Variants in FBXO11 observed in about 807,000 individuals in gnomAD.
The protein encoded by FBXO11 is F-box protein 11.
A neutral mutation model predicts 117.0 loss-of-function variants in FBXO11; 13 were observed. The observed-to-expected ratio is 0.11, with a 90% CI of 0.07 to 0.18. The LOEUF (loss-of-function observed/expected upper bound fraction) is 0.18. FBXO11 is among the 10% of genes least tolerant of loss of function. The pLI, the probability that FBXO11 is intolerant of heterozygous loss-of-function variation, is 1.00. For missense variants in FBXO11, 767 were observed against 1,164.4 expected (o/e 0.66, Z 4.97); for synonymous variants, 490 against 380.5 (o/e 1.29, Z -3.35).
intron 19 of FBXO11, 188 bp from the exon 20 acceptor site, chr2:47,809,895 A>G: frequency 1.8e-6 from 1 of 542,958 alleles, no homozygotes; most frequent in South Asian, 2.6e-5. Flanking sequence ...GACTATGGTC[A>G]AAACTGCAAT....
At chr2:47,812,701 CTG>C (rs1286029949) in intron 18 of FBXO11, 1 of 157,956 alleles carries the variant, frequency 6.3e-6, no homozygotes, top group African/African-American at 2.4e-5. Context: ...TTTGGCAGCT[CTG>C]TGAATCTCTG....
In FBXO11 at chr2:47,874,030, T is replaced by C. The variant is rs187092142; in HGVS notation, c.232+31459A>G. Reference sequence around the variant, plus strand: ...GCGTTTGAGACCAGCCTGGCCAACATAGTGAAACCCCGTCTCTACTAAAAA... The same window carrying C: ...GCGTTTGAGACCAGCCTGGCCAACACAGTGAAACCCCGTCTCTACTAAAAA... On this transcript the variant is annotated intron_variant, in intron 1 of 22. Coordinates refer to ENST00000403359, the MANE Select transcript of FBXO11 (RefSeq NM_001190274.2). 1.2e-3 allele frequency among the ~76,000 whole-genome samples: 190 copies of C among 152,048 alleles called. 1 individual carries two copies. The highest frequency in any genetic ancestry group is 0.011 in the Admixed American group (167 of 15,252).
In FBXO11 at chr2:47,806,928, T is replaced by A; in HGVS notation, c.*1190A>T. On this transcript the variant is annotated 3_prime_UTR_variant, in exon 23 of 23. Transcript: ENST00000403359. ...GGTAAATTCAGACAACATTATGATCTAATAAACTTTATTTTTTAAAAATGA... is the reference window on the plus strand; with the variant it reads ...GGTAAATTCAGACAACATTATGATCAAATAAACTTTATTTTTTAAAAATGA... 8.6e-7 allele frequency: 1 copy of A among 1,157,700 alleles called. No individual in the cohort carries two copies. The highest frequency in any genetic ancestry group is 1.3e-6 in the Non-Finnish European group (1 of 779,730). The allele number at this position is 1,157,700 out of a possible 1,614,324, so 71.7% of individuals were successfully genotyped here. A position where few individuals can be genotyped will look rare whatever the true frequency, so the allele number is the denominator to read the frequency against.
chr2:47,867,143 T>G (rs1675258272), intron 1 of FBXO11, among the ~76,000 whole-genome samples: 1 of 152,234 alleles, frequency 6.6e-6, no homozygotes, highest in South Asian at 2.1e-4. Context: ...CTCTCTTTAT[T>G]GGTACAGTGC....
intron 1 of FBXO11, among the ~76,000 whole-genome samples, chr2:47,855,504 A>C (rs574106649): frequency 6.6e-6 from 1 of 152,230 alleles, no homozygotes; most frequent in Non-Finnish European, 1.5e-5. Context: ...ATCAGTGTAC[A>C]TAAGAAATTT....
intron 1 of FBXO11, among the ~76,000 whole-genome samples, chr2:47,886,523 A>C (rs778925565): frequency 3.3e-5 from 5 of 151,906 alleles, no homozygotes; most frequent in Non-Finnish European, 7.4e-5. Context: ...AAAAAAGTGA[A>C]TCTTTCTACT....
In FBXO11 at chr2:47,899,098, C is replaced by T. The variant is rs988351318; in HGVS notation, c.232+6391G>A. On this transcript the variant is annotated intron_variant, in intron 1 of 22. Transcript: ENST00000403359. ...GACCATCCTGGCTAACATGGTGAAACCCGGTCTCTACTAAAAATACAAAAA... is the reference window on the plus strand; with the variant it reads ...GACCATCCTGGCTAACATGGTGAAATCCGGTCTCTACTAAAAATACAAAAA... 3.7e-4 allele frequency among the ~76,000 whole-genome samples: 56 copies of T among 151,988 alleles called. 2 individuals carry two copies. Among genetic ancestry groups the T allele is most frequent in the Admixed American group, 3.7e-3 (56 of 15,264 alleles).
rs770339548 is a variant in FBXO11 at position 47,820,340 on chromosome 2, G to C, written c.1797+22C>G. ...CTGGTTTTGATGCATGAGTTTATAG[G>C]GAACTATATACATTAACTTACCACA... On this transcript the variant is annotated intron_variant, in intron 14 of 22. Coordinates refer to ENST00000403359, the MANE Select transcript of FBXO11 (RefSeq NM_001190274.2). 5 of 1,581,336 alleles carry C rather than the reference G, an allele frequency of 3.2e-6. No homozygotes were observed. The South Asian group carries it at 4.5e-5, about 14-fold the overall frequency.
rs551467402 is a variant in FBXO11 at position 47,835,824 on chromosome 2, T to C, written c.717+48A>G. 1.4e-4 allele frequency: 208 copies of C among 1,436,892 alleles called. 2 individuals carry two copies. Among genetic ancestry groups the C allele is most frequent in the Admixed American group, 1.1e-3 (53 of 48,546 alleles). The allele number at this position is 1,436,892 out of a possible 1,614,324, so 89.0% of individuals were successfully genotyped here. A position where few individuals can be genotyped will look rare whatever the true frequency, so the allele number is the denominator to read the frequency against. The stretch of plus-strand genomic sequence containing the variant: ...AAACTTATTTCTTAAAAGAAAGTTA[T>C]TTACAAATGTATAATATAAACCAAT... On this transcript the variant is annotated intron_variant, in intron 5 of 22. Coordinates refer to ENST00000403359, the MANE Select transcript of FBXO11 (RefSeq NM_001190274.2).
intron 1 of FBXO11, among the ~76,000 whole-genome samples, chr2:47,897,318 T>C (rs765064903): frequency 1.3e-5 from 2 of 152,224 alleles, no homozygotes; most frequent in Non-Finnish European, 2.9e-5. Flanking sequence ...GCTAAACTGA[T>C]TCAAGTCAGT....
chr2:47,905,776 C>T lies in FBXO11; in HGVS notation c.-56G>A. ...GGGACACACACACGCACACGCACAGCGAGCTTCGGGGCAGGAGAAAGGGGT... is the reference window on the plus strand; with the variant it reads ...GGGACACACACACGCACACGCACAGTGAGCTTCGGGGCAGGAGAAAGGGGT... On this transcript the variant is annotated 5_prime_UTR_variant, in exon 1 of 23. Transcript: ENST00000403359. 1 of 1,383,420 alleles carries T rather than the reference C, an allele frequency of 7.2e-7. No homozygotes were observed. The allele number at this position is 1,383,420 out of a possible 1,614,324, so 85.7% of individuals were successfully genotyped here.
intron 1 of FBXO11, among the ~76,000 whole-genome samples, chr2:47,888,422 T>C (rs920089211): frequency 5.9e-5 from 9 of 152,192 alleles, no homozygotes; most frequent in Non-Finnish European, 1.2e-4. Flanking sequence ...TTTTAAAGTA[T>C]CTAAACTAAG....
chr2:47,853,500 A>ATAG (rs1674039850), intron 1 of FBXO11, among the ~76,000 whole-genome samples: 1 of 152,132 alleles, frequency 6.6e-6, no homozygotes, highest in Non-Finnish European at 1.5e-5. Context: ...AGTATTGTAA[A>ATAG]TAGTAGTATG....
chr2:47,904,578 GCAAACACACA>G (rs762808591), intron 1 of FBXO11, among the ~76,000 whole-genome samples: 7 of 105,560 alleles, frequency 6.6e-5, no homozygotes, highest in East Asian at 3.0e-4. Flanking sequence ...GCGCGCGCGC[GCAAACACACA>G]CACACACACA....
At chr2:47,820,847 G>A (rs895734422) in intron 13 of FBXO11, among the ~76,000 whole-genome samples, 8 of 152,142 alleles carry the variant, frequency 5.3e-5, no homozygotes, top group Non-Finnish European at 8.8e-5. Context: ...AAGATGCTCC[G>A]CAGAGTGCCT....
At chr2:47,904,710 G>A (rs1429278662) in intron 1 of FBXO11, among the ~76,000 whole-genome samples, 1 of 152,158 alleles carries the variant, frequency 6.6e-6, no homozygotes, top group East Asian at 1.9e-4. Context: ...GGGGTCGCTC[G>A]GGGAGGACAG....
At chr2:47,822,704 T>G (rs1046278938) in intron 12 of FBXO11, among the ~76,000 whole-genome samples, 6 of 152,208 alleles carry the variant, frequency 3.9e-5, no homozygotes, top group African/African-American at 9.6e-5. Flanking sequence ...TAAGGGAAAA[T>G]GACAGCTTGC....
intron 1 of FBXO11, among the ~76,000 whole-genome samples, chr2:47,892,483 G>A (rs950111071): frequency 6.6e-6 from 1 of 152,130 alleles, no homozygotes; most frequent in South Asian, 2.1e-4. Flanking sequence ...TTCCAGCTCA[G>A]TTTTTCAACT....
intron 4 of FBXO11, 39 bp downstream of exon 4, chr2:47,838,820 A>G (rs1672794281): frequency 6.3e-7 from 1 of 1,582,550 alleles, no homozygotes; most frequent in Non-Finnish European, 8.6e-7. Context: ...GGCAACAAAT[A>G]ACATATCTCA....
Sources: allele counts gnomAD v4.1 joint callset (sites outside exome capture counted in the v4.1 genomes callset), GRCh38; gene constraint gnomAD v4.1.1; transcripts MANE v1.5; gene names NCBI Gene and HGNC (gene_info 2026-07-23, HGNC 2026-07-21).